Variants in TATDN2 observed in about 807,000 individuals in gnomAD.
TATDN2 encodes the protein 3'-5' RNA nuclease TATDN2.
A neutral mutation model predicts 60.3 loss-of-function variants in TATDN2; 44 were observed. That is an observed-to-expected ratio of 0.73 (90% CI 0.57 to 0.94). The LOEUF (loss-of-function observed/expected upper bound fraction) is 0.94, where lower values mean the gene tolerates loss of function less well. Among genes scored for constraint, TATDN2 ranks in the 40% least tolerant of loss-of-function variants. The probability of loss-of-function intolerance (pLI) is 0.00; values close to 1 mark genes in which losing one functional copy is unlikely to be tolerated. For synonymous variants in TATDN2, 399 were observed against 355.8 expected (o/e 1.12, Z -1.37); for missense variants, 997 against 948.0 (o/e 1.05, Z -0.68).
chr3:10,253,403 G>C (rs1441050854), intron 2 of TATDN2, among the ~76,000 whole-genome samples: 7 of 152,208 alleles, frequency 4.6e-5, no homozygotes, highest in African/African-American at 1.7e-4. Context: ...ATTCTGAGGG[G>C]AAGGTGTTAG....
rs145347040 is a variant in TATDN2, at chr3:10,259,908, T to C, written c.415-229T>C. 1.1e-3 allele frequency among the ~76,000 whole-genome samples: 172 copies of C among 152,308 alleles called. 3 individuals carry two copies. Among genetic ancestry groups the C allele is most frequent in the African/African-American group, 3.8e-3 (159 of 41,568 alleles). The stretch of plus-strand genomic sequence containing the variant: ...GTTCATTTCAGCTCCTTCCGTCCCC[T>C]TGCAGTGAAAGGATATCATCTGCTG... On this transcript the variant is annotated intron_variant, in intron 2 of 7. Transcript: ENST00000448281.
intron 4 of TATDN2, among the ~76,000 whole-genome samples, chr3:10,275,165 T>C (rs778348793): frequency 5.3e-5 from 8 of 151,992 alleles, no homozygotes; most frequent in Non-Finnish European, 8.8e-5. Flanking sequence ...TTTGTATTTT[T>C]AGTAGAGACA....
At chr3:10,263,614 T>G (rs1327349936) in intron 3 of TATDN2, among the ~76,000 whole-genome samples, 1 of 152,222 alleles carries the variant, frequency 6.6e-6, no homozygotes, top group South Asian at 2.1e-4. Context: ...AGCTCTTTTG[T>G]TTTTTAATAA....
At chr3:10,265,697 A>C (rs1454421429) in intron 3 of TATDN2, among the ~76,000 whole-genome samples, 1 of 151,732 alleles carries the variant, frequency 6.6e-6, no homozygotes, top group Non-Finnish European at 1.5e-5. Flanking sequence ...AAAAAAAAAA[A>C]AAAAAAAAGT....
intron 2 of TATDN2, among the ~76,000 whole-genome samples, chr3:10,252,663 C>G (rs2125171202): frequency 6.6e-6 from 1 of 151,902 alleles, no homozygotes; most frequent in East Asian, 1.9e-4. Context: ...CTAGAGTCCT[C>G]TCACTGCTCT....
At chr3:10,251,664 G>A (rs1425511634) in intron 2 of TATDN2, among the ~76,000 whole-genome samples, 1 of 152,006 alleles carries the variant, frequency 6.6e-6, no homozygotes, top group Non-Finnish European at 1.5e-5. Context: ...GGGATTACAG[G>A]TGTGAGCCAC....
intron 2 of TATDN2, 91 bp downstream of exon 2, chr3:10,249,705 A>G: frequency 7.3e-7 from 1 of 1,377,338 alleles, no homozygotes; most frequent in Non-Finnish European, 9.5e-7. Context: ...GGAGACTACA[A>G]AACATTACAT....
At chr3:10,266,931 CTTT>C (rs199956355) in intron 3 of TATDN2, among the ~76,000 whole-genome samples, 14 of 126,874 alleles carry the variant, frequency 1.1e-4, no homozygotes, top group Admixed American at 1.6e-4. Flanking sequence ...CTAAGGCAGT[CTTT>C]TTTTTTTTTT....
intron 3 of TATDN2, among the ~76,000 whole-genome samples, chr3:10,262,705 T>C (rs879373857): frequency 1.3e-5 from 2 of 150,824 alleles, no homozygotes; most frequent in Non-Finnish European, 3.0e-5. Flanking sequence ...CTGGCTAATT[T>C]TGTATTTTTG....
chr3:10,256,568 T>C (rs1201230241), intron 2 of TATDN2, among the ~76,000 whole-genome samples: 1 of 152,064 alleles, frequency 6.6e-6, no homozygotes, highest in Non-Finnish European at 1.5e-5. Flanking sequence ...GCTTAATGGT[T>C]GAAAAGTGCA....
chr3:10,264,178 T>G (rs1311064066), intron 3 of TATDN2, among the ~76,000 whole-genome samples: 1 of 152,162 alleles, frequency 6.6e-6, no homozygotes, highest in African/African-American at 2.4e-5. Context: ...GAAACCAGAT[T>G]TCACCCTGTC....
In TATDN2 at chr3:10,278,200, G is replaced by A; in HGVS notation, c.1962-79G>A. On this transcript the variant is annotated intron_variant, in intron 5 of 7. Coordinates refer to ENST00000448281, the MANE Select transcript of TATDN2 (RefSeq NM_014760.4). This position sits in a 1 kb window ranked among gnomAD's most constrained non-coding sequence, Gnocchi z 4.7. Reference sequence around the variant, plus strand: ...TTCCATTTCTGGGAATCATTGAAAAGGGGTGATGGGTGTGGGGGGAGCTGG... The same window carrying A: ...TTCCATTTCTGGGAATCATTGAAAAAGGGTGATGGGTGTGGGGGGAGCTGG... 6.8e-7 allele frequency: 1 copy of A among 1,461,886 alleles called. No homozygotes were observed. Among genetic ancestry groups the A allele is most frequent in the South Asian group, 1.3e-5 (1 of 78,438 alleles). The allele number at this position is 1,461,886 out of a possible 1,614,324, so 90.6% of individuals were successfully genotyped here.
At position 10,276,477 on chromosome 3, in the gene TATDN2, C is replaced by G; in HGVS notation, c.1950C>G (p.Tyr650Ter). ...EIMKKFVPPD[Y>*]KIHRHCFTGS... is the part of the protein sequence containing the mutation. ...TGAAAAAGTTTGTGCCCCCTGACTA[C>G]AAGATCCATAGGTTAGAAGACTGGA... Residue 650 changes from tyrosine (Y) to a stop codon, truncating the protein, a stop_gained, in exon 5 of 8, where the codon TAC (tyrosine) becomes TAG (stop). Coordinates refer to ENST00000448281, the MANE Select transcript of TATDN2 (RefSeq NM_014760.4). LOFTEE classifies it high-confidence loss of function. The G allele has an allele frequency of 1.9e-6, 3 of 1,613,802 alleles. No homozygotes were observed. The highest frequency in any genetic ancestry group is 2.5e-6 in the Non-Finnish European group (3 of 1,179,842).
chr3:10,279,920 C>T lies in TATDN2; in HGVS notation c.*738C>T, dbSNP rs540266262. 6.5e-6 allele frequency: 1 copy of T among 153,870 alleles called. No homozygotes were observed. Among genetic ancestry groups the T allele is most frequent in the East Asian group, 1.9e-4 (1 of 5,178 alleles). 9.5% of individuals were successfully genotyped at this position (153,870 alleles called of 1,614,324 possible). On this transcript the variant is annotated 3_prime_UTR_variant, in exon 8 of 8. Transcript: ENST00000448281. ...GAGGCTTTCTTGGGGAAGAGGACCC[C>T]AAAGGAGGTACTTCCTCCTCACTGA...
At chr3:10,265,070 A>T (rs1228699580) in intron 3 of TATDN2, among the ~76,000 whole-genome samples, 21 of 87,476 alleles carry the variant, frequency 2.4e-4, no homozygotes, top group South Asian at 3.9e-4. Flanking sequence ...ATTGCTGCCA[A>T]TTTTTTTTTC....
intron 4 of TATDN2, among the ~76,000 whole-genome samples, chr3:10,273,413 A>G (rs552996301): frequency 6.6e-6 from 1 of 152,310 alleles, no homozygotes; most frequent in East Asian, 1.9e-4. Flanking sequence ...GCAGTTAGCA[A>G]GTTCTGGATG....
chr3:10,277,685 G>A (rs903673879), intron 5 of TATDN2, among the ~76,000 whole-genome samples: 3 of 152,130 alleles, frequency 2.0e-5, no homozygotes, highest in Non-Finnish European at 4.4e-5. Flanking sequence ...GGGTCGGTTG[G>A]TTTTTCATTA....
rs1381097889 is a variant in TATDN2, at chr3:10,276,389, T to A, written c.1862T>A (p.Val621Glu). The A allele has an allele frequency of 3.7e-6, 6 of 1,614,038 alleles. No individual in the cohort carries two copies. The highest frequency in any genetic ancestry group is 1.3e-5 in the African/African-American group (1 of 75,048). ...TTTGAGAGACAGCTGCAGCTGGCTGTGTCTCTAAAGAAGCCCTTGGTGATC... is the reference window on the plus strand; with the variant it reads ...TTTGAGAGACAGCTGCAGCTGGCTGAGTCTCTAAAGAAGCCCTTGGTGATC... The part of the protein sequence containing the change: ...KVFERQLQLA[V>E]SLKKPLVIHC... Residue 621 changes from valine to glutamate, a missense_variant, in exon 5 of 8, where the codon GTG becomes GAG. By Grantham distance (121) the Val-to-Glu change is moderately radical (BLOSUM62 -2). Transcript: ENST00000448281.
intron 3 of TATDN2, among the ~76,000 whole-genome samples, chr3:10,267,366 G>T (rs770509177): frequency 6.6e-6 from 1 of 151,594 alleles, no homozygotes; most frequent in Non-Finnish European, 1.5e-5. Flanking sequence ...TCTGTTTATG[G>T]TGTATGTTTC....
Sources: gnomAD v4.1 joint callset for allele counts (sites outside exome capture counted in the v4.1 genomes callset) on GRCh38, gnomAD v4.1.1 for gene constraint, Gnocchi (gnomAD v3.1) non-coding constraint, MANE v1.5 for transcripts, NCBI Gene and HGNC (gene_info 2026-07-23, HGNC 2026-07-21) for gene names.